Variants in KAT6B observed in about 807,000 individuals in gnomAD.
The protein encoded by KAT6B is histone acetyltransferase KAT6B.
Under a neutral mutation model 187.5 loss-of-function variants are expected in KAT6B, and 10 were observed. The observed-to-expected ratio is 0.05, with a 90% CI of 0.03 to 0.09. KAT6B has a LOEUF of 0.09. Ranked by LOEUF, KAT6B falls within the 10% of genes least tolerant of loss-of-function variation. The pLI is 1.00. For missense variants in KAT6B, 1,952 were observed against 2,558.9 expected (o/e 0.76, Z 5.12); for synonymous variants, 861 against 926.8 (o/e 0.93, Z 1.29).
chr10:75,002,056 A>G (rs1173382195), intron 13 of KAT6B, among the ~76,000 whole-genome samples: 2 of 152,166 alleles, frequency 1.3e-5, no homozygotes, highest in Admixed American at 1.3e-4. Flanking sequence ...CTCCCAAGAC[A>G]GGACCTGAGG....
At chr10:74,908,541 C>A (rs1334681034) in intron 3 of KAT6B, among the ~76,000 whole-genome samples, 2 of 129,696 alleles carry the variant, frequency 1.5e-5, no homozygotes. Flanking sequence ...CAGAGCCAGA[C>A]CCCGTCTCAA....
At chr10:74,919,891 A>G (rs776368690) in intron 3 of KAT6B, among the ~76,000 whole-genome samples, 94 of 152,256 alleles carry the variant, frequency 6.2e-4, no homozygotes, top group Non-Finnish European at 1.2e-3. Flanking sequence ...TTTAGTTATC[A>G]AATTTGTCAT....
At chr10:74,847,652 G>A (rs770413077) in intron 3 of KAT6B, among the ~76,000 whole-genome samples, 12 of 147,992 alleles carry the variant, frequency 8.1e-5, no homozygotes, top group Non-Finnish European at 1.8e-4. Context: ...CAACAAAAGC[G>A]AAACTCCATC....
intron 4 of KAT6B, among the ~76,000 whole-genome samples, chr10:74,968,150 T>C (rs1011456898): frequency 6.6e-6 from 1 of 152,202 alleles, no homozygotes; most frequent in African/African-American, 2.4e-5. Context: ...TTCAGTGTGC[T>C]TCTTAGAAGT....
intron 13 of KAT6B, among the ~76,000 whole-genome samples, chr10:75,003,400 A>G (rs1843990926): frequency 6.6e-6 from 1 of 152,228 alleles, no homozygotes; most frequent in Non-Finnish European, 1.5e-5. Flanking sequence ...GAGTGCAGTC[A>G]AGGCAATCAT....
At chr10:74,898,467 A>C (rs562607265) in intron 3 of KAT6B, among the ~76,000 whole-genome samples, 4 of 151,684 alleles carry the variant, frequency 2.6e-5, no homozygotes, top group African/African-American at 9.7e-5. Context: ...TTTTTTTTTA[A>C]GGGAATAGGG....
chr10:74,962,673 C>T (rs1267903773), intron 4 of KAT6B, among the ~76,000 whole-genome samples: 1 of 152,160 alleles, frequency 6.6e-6, no homozygotes, highest in Non-Finnish European at 1.5e-5. Context: ...TCAGTCGTCC[C>T]TATCTGAAGT....
At chr10:74,952,990 G>A (rs1211041282) in intron 3 of KAT6B, among the ~76,000 whole-genome samples, 2 of 151,158 alleles carry the variant, frequency 1.3e-5, no homozygotes, top group Non-Finnish European at 2.9e-5. Context: ...GTAAGCCACC[G>A]TGCCCAGCCA....
At chr10:74,979,802 G>A (rs1174032839) in intron 10 of KAT6B, among the ~76,000 whole-genome samples, 1 of 152,196 alleles carries the variant, frequency 6.6e-6, no homozygotes, top group African/African-American at 2.4e-5. Flanking sequence ...ATGGGAGAAA[G>A]TAAGTGGGAA....
chr10:74,853,916 A>C (rs931245042), intron 3 of KAT6B, among the ~76,000 whole-genome samples: 19 of 152,120 alleles, frequency 1.2e-4, no homozygotes, highest in South Asian at 4.1e-4. Context: ...GGCATGCCCC[A>C]CCACGCCCAG....
chr10:74,954,332 A>G (rs1303016200), intron 3 of KAT6B, among the ~76,000 whole-genome samples: 1 of 152,212 alleles, frequency 6.6e-6, no homozygotes, highest in African/African-American at 2.4e-5. Flanking sequence ...AGAATATGGG[A>G]AATTATTGTT....
At chr10:74,937,615 T>C (rs1277600723) in intron 3 of KAT6B, among the ~76,000 whole-genome samples, 2 of 152,206 alleles carry the variant, frequency 1.3e-5, no homozygotes, top group Non-Finnish European at 2.9e-5. Flanking sequence ...ACTTGATAGA[T>C]AACTAGAGAC....
chr10:74,938,174 T>C (rs1849398845), intron 3 of KAT6B, among the ~76,000 whole-genome samples: 1 of 152,220 alleles, frequency 6.6e-6, no homozygotes, highest in African/African-American at 2.4e-5. Context: ...TTCAAAAATG[T>C]GGACCGCAGG....
At chr10:74,849,374 A>G (rs577832008) in intron 3 of KAT6B, among the ~76,000 whole-genome samples, 1 of 150,262 alleles carries the variant, frequency 6.7e-6, no homozygotes, top group African/African-American at 2.5e-5. Context: ...GCTCACTGCA[A>G]CCTCCGCCTC....
chr10:74,997,848 A>G (rs1843541656), intron 13 of KAT6B, among the ~76,000 whole-genome samples: 1 of 152,070 alleles, frequency 6.6e-6, no homozygotes, highest in Non-Finnish European at 1.5e-5. Context: ...ACAGTGGCTC[A>G]CGCCTGTAAT....
At chr10:74,955,391 C>CA (rs1011601545) in intron 3 of KAT6B, among the ~76,000 whole-genome samples, 1 of 146,716 alleles carries the variant, frequency 6.8e-6, no homozygotes. Context: ...TATCCCCCCC[C>CA]CCCCAACTTT....
intron 3 of KAT6B, among the ~76,000 whole-genome samples, chr10:74,947,432 CTAAAGTAAGAATGTAATT>C (rs1840030606): frequency 6.6e-6 from 1 of 152,124 alleles, no homozygotes; most frequent in East Asian, 1.9e-4. Flanking sequence ...CATTTATATG[CTAAAGTAAGAATGTAATT>C]TAGAAACTGA....
At chr10:74,947,217 G>A (rs1307583370) in intron 3 of KAT6B, among the ~76,000 whole-genome samples, 3 of 152,052 alleles carry the variant, frequency 2.0e-5, no homozygotes, top group Non-Finnish European at 2.9e-5. Flanking sequence ...GGCTGGTCTC[G>A]AACTCAAGTG....
rs372169101 is a variant in KAT6B, at chr10:74,910,456, G to T, written c.622-49514G>T. 7.2e-5 allele frequency among the ~76,000 whole-genome samples: 11 copies of T among 152,278 alleles called. No individual in the cohort carries two copies. The East Asian group carries it at 2.1e-3, about 29-fold the overall frequency. On this transcript the variant is annotated intron_variant, in intron 3 of 17. Transcript: ENST00000287239. ...GAGGAGAAATGAGCTTAATTTTTGA[G>T]TTTTAGTGCTTAGGGACTCTGTCTT...
Sources: gnomAD v4.1 joint callset for allele counts (sites outside exome capture counted in the v4.1 genomes callset) on GRCh38, gnomAD v4.1.1 for gene constraint, MANE v1.5 for transcripts, NCBI Gene and HGNC (gene_info 2026-07-23, HGNC 2026-07-21) for gene names.